Variants in MYO5B observed in about 807,000 individuals in gnomAD.
MYO5B encodes myosin VB, also known as unconventional myosin-Vb.
A neutral mutation model predicts 229.3 loss-of-function variants in MYO5B; 143 were observed. The ratio of observed to expected loss-of-function variants is 0.62; its 90% CI spans 0.54 to 0.72. The LOEUF is 0.72. Among genes scored for constraint, MYO5B ranks in the 30% least tolerant of loss-of-function variants. The pLI is 0.00. For missense variants in MYO5B, 2,321 were observed against 2,331.0 expected (o/e 1.00, Z 0.09); for synonymous variants, 918 against 885.2 (o/e 1.04, Z -0.66).
At chr18:49,863,427 A>G in intron 28 of MYO5B, 100 bp from the exon 29 acceptor site, 1 of 974,486 alleles carries the variant, frequency 1.0e-6, no homozygotes, top group African/African-American at 1.6e-5. Flanking sequence ...GGAAAAGACA[A>G]AGGCCTGGAA....
chr18:50,174,443 C>A (rs2032965751), intron 1 of MYO5B, among the ~76,000 whole-genome samples: 1 of 152,192 alleles, frequency 6.6e-6, no homozygotes, highest in Non-Finnish European at 1.5e-5. Flanking sequence ...GGAAGCCCTG[C>A]ATTCCAGTCC....
At chr18:50,070,210 G>A (rs1339288465) in intron 1 of MYO5B, among the ~76,000 whole-genome samples, 1 of 151,824 alleles carries the variant, frequency 6.6e-6, no homozygotes, top group Non-Finnish European at 1.5e-5. Flanking sequence ...TTTTAGTAGA[G>A]ACAAGGTTTC....
rs367936478 is a variant in MYO5B at position 49,946,200 on chromosome 18, A to G, written c.1752+7060T>C. 3.3e-5 allele frequency: 5 copies of G among 152,254 alleles called. 1 individual carries two copies. Among genetic ancestry groups the G allele is most frequent in the East Asian group, 1.9e-4 (1 of 5,172 alleles). 9.4% of individuals were successfully genotyped at this position (152,254 alleles called of 1,614,324 possible). On this transcript the variant is annotated intron_variant, in intron 14 of 39. Transcript: ENST00000285039. ...TTATTCAAAATTTGAGAATTTTGAG[A>G]CCAGAAGTGTTTCAGATTTTGGAGA...
At chr18:50,150,973 T>C (rs2032589532) in intron 1 of MYO5B, among the ~76,000 whole-genome samples, 1 of 152,162 alleles carries the variant, frequency 6.6e-6, no homozygotes, top group Admixed American at 6.5e-5. Flanking sequence ...CCCTAAATGG[T>C]CATAGTCACT....
chr18:50,049,573 TC>T (rs1417953222), intron 2 of MYO5B, among the ~76,000 whole-genome samples: 1 of 152,208 alleles, frequency 6.6e-6, no homozygotes, highest in Non-Finnish European at 1.5e-5. Context: ...AACCTGAGTT[TC>T]CCAGCCTTGT....
At chr18:50,032,097 C>T (rs568332533) in intron 4 of MYO5B, among the ~76,000 whole-genome samples, 2 of 152,330 alleles carry the variant, frequency 1.3e-5, no homozygotes, top group South Asian at 4.1e-4. Flanking sequence ...TTGTTTCTAA[C>T]TTTACAGCCC....
chr18:49,846,338 A>G (rs1209169433), intron 33 of MYO5B, among the ~76,000 whole-genome samples: 1 of 152,112 alleles, frequency 6.6e-6, no homozygotes, highest in Admixed American at 6.5e-5. Context: ...ACCCCTTCCC[A>G]GGGGTGATAC....
At chr18:50,050,455 T>C (rs1346279241) in intron 2 of MYO5B, among the ~76,000 whole-genome samples, 1 of 152,242 alleles carries the variant, frequency 6.6e-6, no homozygotes, top group African/African-American at 2.4e-5. Flanking sequence ...AGGACCTTGC[T>C]ATAATGTCTT....
At chr18:49,954,185 G>C in intron 13 of MYO5B, 128 bp downstream of exon 13, 1 of 1,404,396 alleles carries the variant, frequency 7.1e-7, no homozygotes, top group Non-Finnish European at 1.0e-6. Flanking sequence ...AGGATGGAAG[G>C]GGAACCTAGC....
intron 39 of MYO5B, among the ~76,000 whole-genome samples, chr18:49,830,829 CAAAA>C (rs59785909): frequency 1.4e-4 from 10 of 72,944 alleles, no homozygotes; most frequent in South Asian, 4.0e-4. Flanking sequence ...GACTCTGTCT[CAAAA>C]AAAAAAAAAA....
chr18:49,957,634 C>T (rs2025509476), intron 12 of MYO5B, among the ~76,000 whole-genome samples: 1 of 138,408 alleles, frequency 7.2e-6, no homozygotes, highest in Non-Finnish European at 1.5e-5. Flanking sequence ...GGTGACAGAA[C>T]AAGACACTGT....
In MYO5B at chr18:49,963,045, G is replaced by A. The variant is rs183991942; in HGVS notation, c.1323-15C>T. ...ATGTCTCAAACCTACAGAATGGAAAGAGAAGATAAGAGACGTCTCCTTTCA... is the reference window on the plus strand; with the variant it reads ...ATGTCTCAAACCTACAGAATGGAAAAAGAAGATAAGAGACGTCTCCTTTCA... On this transcript the variant is annotated splice_polypyrimidine_tract_variant and intron_variant, in intron 10 of 39. Transcript: ENST00000285039. 6 of 1,604,550 alleles carry A rather than the reference G, an allele frequency of 3.7e-6. No homozygotes were observed. Among genetic ancestry groups the A allele is most frequent in the Non-Finnish European group, 5.1e-6 (6 of 1,171,284 alleles).
intron 1 of MYO5B, among the ~76,000 whole-genome samples, chr18:50,128,972 C>T (rs905650407): frequency 6.6e-6 from 1 of 152,208 alleles, no homozygotes; most frequent in Non-Finnish European, 1.5e-5. Flanking sequence ...CTTCACAAAA[C>T]ACACCCAGGG....
At chr18:50,166,299 A>G (rs144848436) in intron 1 of MYO5B, among the ~76,000 whole-genome samples, 7 of 152,326 alleles carry the variant, frequency 4.6e-5, no homozygotes, top group Admixed American at 1.3e-4. Flanking sequence ...TCTATCTGAA[A>G]CCTTAAGCAT....
At chr18:50,001,753 C>T (rs1328371168) in intron 4 of MYO5B, among the ~76,000 whole-genome samples, 1 of 152,124 alleles carries the variant, frequency 6.6e-6, no homozygotes, top group Non-Finnish European at 1.5e-5. Flanking sequence ...CACACACAGA[C>T]CAGGCGTGGT....
intron 1 of MYO5B, among the ~76,000 whole-genome samples, chr18:50,110,230 C>T (rs1305958125): frequency 9.0e-6 from 1 of 110,544 alleles, no homozygotes; most frequent in Non-Finnish European, 1.7e-5. Flanking sequence ...CCATCACCTC[C>T]CTCACCCCAT....
intron 4 of MYO5B, among the ~76,000 whole-genome samples, chr18:50,003,866 G>C (rs774477945): frequency 2.0e-5 from 3 of 152,152 alleles, no homozygotes; most frequent in East Asian, 1.9e-4. Context: ...AGGATCCAGG[G>C]GAAGCAACAC....
intron 27 of MYO5B, among the ~76,000 whole-genome samples, chr18:49,870,437 T>C (rs1202337417): frequency 6.6e-6 from 1 of 152,186 alleles, no homozygotes; most frequent in Non-Finnish European, 1.5e-5. Flanking sequence ...CAAATTGGAC[T>C]TCATGAAAAT....
intron 5 of MYO5B, among the ~76,000 whole-genome samples, chr18:50,000,302 C>G (rs547563117): frequency 1.7e-4 from 26 of 152,164 alleles, no homozygotes; most frequent in Non-Finnish European, 3.5e-4. Flanking sequence ...TGGCAGCTTG[C>G]GGCTCAACTA....
Sources: allele counts gnomAD v4.1 joint callset (sites outside exome capture counted in the v4.1 genomes callset), GRCh38; gene constraint gnomAD v4.1.1; transcripts MANE v1.5; gene names NCBI Gene and HGNC (gene_info 2026-07-23, HGNC 2026-07-21).